BICD1: variants seen among roughly 807,000 people sequenced by gnomAD.
BICD1 encodes protein bicaudal D homolog 1.
In BICD1, 35 loss-of-function variants were observed where a neutral mutation model predicts 92.5. The ratio of observed to expected loss-of-function variants is 0.38; its 90% CI spans 0.29 to 0.50. BICD1 has a LOEUF of 0.50. BICD1 is among the 20% of genes least tolerant of loss of function. The probability of loss-of-function intolerance (pLI) is 0.93; values close to 1 mark genes in which losing one functional copy is unlikely to be tolerated. For missense variants in BICD1, 950 were observed against 1,189.8 expected, an observed-to-expected ratio of 0.80 and a Z score of 2.97; for synonymous variants, 429 against 465.1, an observed-to-expected ratio of 0.92 and a Z score of 1.00.
chr12:32,208,736 T>G (rs1945130914), intron 1 of BICD1, among the ~76,000 whole-genome samples: 1 of 152,234 alleles, frequency 6.6e-6, no homozygotes, highest in South Asian at 2.1e-4. Context: ...TGAGAGACAC[T>G]TCTCAGTCAG....
At chr12:32,294,754 G>C (rs768455920) in intron 3 of BICD1, among the ~76,000 whole-genome samples, 2 of 151,852 alleles carry the variant, frequency 1.3e-5, no homozygotes, top group Non-Finnish European at 2.9e-5. Flanking sequence ...AGAGGGGAAT[G>C]GATTATGAAG....
chr12:32,158,110 T>TC (rs1433751933), intron 1 of BICD1, among the ~76,000 whole-genome samples: 8 of 149,750 alleles, frequency 5.3e-5, no homozygotes, highest in Admixed American at 1.3e-4. Flanking sequence ...TTTTTTCTTT[T>TC]TTTTTTTTTT....
intron 1 of BICD1, among the ~76,000 whole-genome samples, chr12:32,137,670 A>G (rs1012060442): frequency 2.6e-5 from 4 of 152,142 alleles, no homozygotes; most frequent in African/African-American, 9.7e-5. Flanking sequence ...TATCAGTTTG[A>G]TTAAATGCCT....
rs1305602496 is a variant in BICD1 at position 32,252,108 on chromosome 12, T to TTATATTATATATTTATAATAAA, written c.426+35654_426+35655insTATATATTTATAATAAATATAT. On this transcript the variant is annotated intron_variant, in intron 2 of 9. Transcript: ENST00000652176. Reference sequence around the variant, plus strand: ...TATAAATATATATTTATAATAAATATTATATATTATATATTTATAATAAAT... The same window carrying TTATATTATATATTTATAATAAA: ...TATAAATATATATTTATAATAAATATTATATTATATATTTATAATAAATATATATTATATATTTATAATAAAT... Among the ~76,000 whole-genome samples, 365 of 57,206 alleles carry TTATATTATATATTTATAATAAA rather than the reference T, an allele frequency of 6.4e-3. 1 individual carries two copies. The highest frequency in any genetic ancestry group is 0.017 in the South Asian group (32 of 1,830). The allele number at this position is 57,206 out of a possible 152,430, so 37.5% of individuals were successfully genotyped here.
At chr12:32,112,665 G>A (rs992617095) in intron 1 of BICD1, among the ~76,000 whole-genome samples, 1 of 152,106 alleles carries the variant, frequency 6.6e-6, no homozygotes, top group African/African-American at 2.4e-5. Context: ...AATTCATTAC[G>A]CTAAAGGAGA....
chr12:32,109,986 A>G (rs1592309784), intron 1 of BICD1, among the ~76,000 whole-genome samples: 1 of 152,258 alleles, frequency 6.6e-6, no homozygotes, highest in Non-Finnish European at 1.5e-5. Context: ...AAAGCCAAGC[A>G]TAAAATAAAT....
chr12:32,283,001 T>C (rs1947461007), intron 2 of BICD1, among the ~76,000 whole-genome samples: 1 of 152,200 alleles, frequency 6.6e-6, no homozygotes, highest in Non-Finnish European at 1.5e-5. Context: ...AAGATGGGAC[T>C]TACTGTCTTT....
chr12:32,153,331 A>G (rs543936502), intron 1 of BICD1, among the ~76,000 whole-genome samples: 1 of 152,242 alleles, frequency 6.6e-6, no homozygotes, highest in East Asian at 1.9e-4. Flanking sequence ...GGGAACCTAA[A>G]TTGATTCTGT....
At chr12:32,226,020 C>T (rs983814343) in intron 2 of BICD1, among the ~76,000 whole-genome samples, 2 of 152,188 alleles carry the variant, frequency 1.3e-5, no homozygotes, top group African/African-American at 4.8e-5. Flanking sequence ...GAATATTGAA[C>T]ATCTTTTCAT....
In BICD1 at chr12:32,167,499, A is replaced by G. The variant is rs1176294334; in HGVS notation, c.214-48748A>G. ...GAGACGGAGTCTTGCACTGTCGCCC[A>G]GGCTGGAGTGCAGTGGTGAGATCTC... On this transcript the variant is annotated intron_variant, in intron 1 of 9. Coordinates refer to ENST00000652176, the MANE Select transcript of BICD1 (RefSeq NM_001714.4). 2.0e-5 allele frequency among the ~76,000 whole-genome samples: 3 copies of G among 151,994 alleles called. No individual in the cohort carries two copies. In the East Asian group the frequency reaches 5.8e-4, roughly 29 times the overall value.
intron 4 of BICD1, among the ~76,000 whole-genome samples, chr12:32,311,373 C>T (rs1278845447): frequency 6.6e-6 from 1 of 152,088 alleles, no homozygotes; most frequent in Non-Finnish European, 1.5e-5. Context: ...GTGATGCATG[C>T]CTGTAGTCCC....
intron 1 of BICD1, among the ~76,000 whole-genome samples, chr12:32,209,651 C>T (rs992650768): frequency 6.6e-6 from 1 of 152,172 alleles, no homozygotes; most frequent in Admixed American, 6.5e-5. Context: ...CAGTGATTGT[C>T]TTTAAAGAGG....
intron 1 of BICD1, among the ~76,000 whole-genome samples, chr12:32,149,974 T>A (rs940216088): frequency 5.3e-5 from 8 of 152,174 alleles, no homozygotes; most frequent in Non-Finnish European, 1.0e-4. Context: ...TCCAGGTGGC[T>A]GCGGAGGCCT....
Position 32,382,987 on chromosome 12 carries a change from TCAAA to T in BICD1, c.*5364_*5367del, listed in dbSNP as rs1940237592. 6.6e-6 allele frequency: 1 copy of T among 151,964 alleles called. No homozygotes were observed. The highest frequency in any genetic ancestry group is 1.5e-5 in the Non-Finnish European group (1 of 67,920). The allele number at this position is 151,964 out of a possible 1,614,324, so 9.4% of individuals were successfully genotyped here. A position where few individuals can be genotyped will look rare whatever the true frequency, so the allele number is the denominator to read the frequency against. On this transcript the variant is annotated 3_prime_UTR_variant, in exon 10 of 10. Transcript: ENST00000652176. ...AAGCTCAATGGTTTGACTATGAGAG[TCAAA>T]CAATTACTATTTGAAAATCTCTTAT...
At chr12:32,367,560 T>C (rs1005567219) in intron 8 of BICD1, 110 bp from the exon 9 acceptor site, 19 of 967,152 alleles carry the variant, frequency 2.0e-5, no homozygotes, top group South Asian at 1.5e-5. Context: ...TATTTCTGTG[T>C]GAATGCACAT....
intron 5 of BICD1, among the ~76,000 whole-genome samples, chr12:32,331,886 G>A (rs999166588): frequency 3.3e-5 from 5 of 152,142 alleles, no homozygotes; most frequent in Admixed American, 1.3e-4. Context: ...GCTTATTGCC[G>A]TAAATAGCTT....
intron 1 of BICD1, among the ~76,000 whole-genome samples, chr12:32,139,347 C>G (rs1233978655): frequency 6.6e-6 from 1 of 152,084 alleles, no homozygotes; most frequent in African/African-American, 2.4e-5. Flanking sequence ...GGCCTCTCCT[C>G]TAATTTTGTG....
intron 1 of BICD1, among the ~76,000 whole-genome samples, chr12:32,144,563 A>T (rs550184092): frequency 6.6e-6 from 1 of 152,362 alleles, no homozygotes; most frequent in East Asian, 1.9e-4. Flanking sequence ...CCCTGGCATC[A>T]TCTGGGCTAA....
intron 4 of BICD1, 62 bp from the exon 5 acceptor site, chr12:32,327,399 G>A: frequency 2.6e-6 from 4 of 1,525,868 alleles, no homozygotes; most frequent in Non-Finnish European, 3.5e-6. Context: ...GACTGTGAAT[G>A]GATTAAGTTC....
Sources: allele counts gnomAD v4.1 joint callset (sites outside exome capture counted in the v4.1 genomes callset), GRCh38; gene constraint gnomAD v4.1.1; transcripts MANE v1.5; gene names NCBI Gene and HGNC (gene_info 2026-07-23, HGNC 2026-07-21).